The following TMEM117 variants were observed in gnomAD, a reference collection of about 807,000 sequenced individuals.
The protein encoded by TMEM117 is transmembrane protein 117.
TMEM117 carries 27 observed loss-of-function variants against 52.4 expected under a neutral mutation model. That is an observed-to-expected ratio of 0.51 (90% confidence interval 0.38 to 0.71). The LOEUF is 0.71. TMEM117 is among the 30% of genes least tolerant of loss of function. TMEM117 has a pLI of 0.00. For synonymous variants in TMEM117, 215 were observed against 206.3 expected (o/e 1.04, Z -0.36); for missense variants, 556 against 630.5 (o/e 0.88, Z 1.26).
At chr12:44,082,495 C>G (rs1482579128) in intron 3 of TMEM117, among the ~76,000 whole-genome samples, 1 of 151,840 alleles carries the variant, frequency 6.6e-6, no homozygotes, top group Non-Finnish European at 1.5e-5. Flanking sequence ...AGTAAATATC[C>G]TTACTTTTTC....
intron 3 of TMEM117, among the ~76,000 whole-genome samples, chr12:44,047,133 G>GTA (rs138223424): frequency 0.04 from 6,111 of 151,766 alleles, 196 homozygotes; most frequent in African/African-American, 0.089. Context: ...GTGTGTGTGT[G>GTA]TATATATATA....
chr12:44,103,969 T>C (rs1947908723), intron 3 of TMEM117, among the ~76,000 whole-genome samples: 1 of 151,980 alleles, frequency 6.6e-6, no homozygotes, highest in Non-Finnish European at 1.5e-5. Context: ...CGCAGTTTCA[T>C]TGTGAATCAA....
intron 5 of TMEM117, among the ~76,000 whole-genome samples, chr12:44,214,197 AGT>A (rs1220766709): frequency 6.4e-5 from 8 of 124,976 alleles, no homozygotes; most frequent in Non-Finnish European, 1.6e-5. Context: ...CCCAGGCTGG[AGT>A]GCGTGGCACA....
intron 3 of TMEM117, among the ~76,000 whole-genome samples, chr12:44,013,184 A>G (rs1380952214): frequency 6.6e-6 from 1 of 151,656 alleles, no homozygotes; most frequent in Non-Finnish European, 1.5e-5. Context: ...TCACACCACC[A>G]CACCCTAGCT....
chr12:44,039,565 T>G (rs1379951682), intron 3 of TMEM117, among the ~76,000 whole-genome samples: 1 of 151,938 alleles, frequency 6.6e-6, no homozygotes, highest in African/African-American at 2.4e-5. Context: ...ATAGATAAAT[T>G]TGTGATAAAG....
chr12:44,151,179 T>TC (rs1277916637), intron 4 of TMEM117, among the ~76,000 whole-genome samples: 4 of 152,058 alleles, frequency 2.6e-5, no homozygotes, highest in African/African-American at 9.7e-5. Flanking sequence ...CAGGGGATGC[T>TC]CATTTTTCAT....
intron 6 of TMEM117, among the ~76,000 whole-genome samples, chr12:44,364,804 A>G (rs553762068): frequency 6.6e-6 from 1 of 152,246 alleles, no homozygotes; most frequent in East Asian, 1.9e-4. Flanking sequence ...TACGTAACAT[A>G]AAAGTTTTAC....
intron 2 of TMEM117, among the ~76,000 whole-genome samples, chr12:43,855,952 TA>T (rs894184464): frequency 1.1e-4 from 17 of 152,186 alleles, no homozygotes; most frequent in African/African-American, 1.2e-4. Flanking sequence ...CATTTAGGAA[TA>T]AAAAACTATT....
chr12:44,094,596 C>A (rs1207421544), intron 3 of TMEM117, among the ~76,000 whole-genome samples: 1 of 152,096 alleles, frequency 6.6e-6, no homozygotes, highest in East Asian at 1.9e-4. Context: ...GAGCATAAAT[C>A]AATCGACACA....
At chr12:44,143,849 GTCGA>G (rs919027662) in intron 4 of TMEM117, among the ~76,000 whole-genome samples, 1 of 152,120 alleles carries the variant, frequency 6.6e-6, no homozygotes, top group African/African-American at 2.4e-5. Context: ...ACCAGAATCT[GTCGA>G]TCGATCTATC....
At chr12:44,093,914 C>A (rs1158032524) in intron 3 of TMEM117, among the ~76,000 whole-genome samples, 1 of 151,836 alleles carries the variant, frequency 6.6e-6, no homozygotes, top group Non-Finnish European at 1.5e-5. Context: ...TTTAGTATTG[C>A]TGTGGTTTAT....
the TMEM117 span, chr12:43,802,243 T>C: frequency 7.5e-7 from 1 of 1,340,002 alleles, no homozygotes; most frequent in Non-Finnish European, 1.0e-6. Context: ...AAAAACATTT[T>C]TCTAGCATTT....
In TMEM117 at chr12:44,184,516, AG is replaced by A. The variant is rs149552868; in HGVS notation, c.511-26771del. 4.9e-3 allele frequency among the ~76,000 whole-genome samples: 744 copies of A among 152,190 alleles called. 17 individuals carry two copies. The East Asian group carries it at 0.067, about 14-fold the overall frequency. On this transcript the variant is annotated intron_variant, in intron 4 of 7. Coordinates refer to ENST00000266534, the MANE Select transcript of TMEM117 (RefSeq NM_032256.3). The stretch of plus-strand genomic sequence containing the variant: ...AGCCCAGGGAGATTCAAAGCATGAA[AG>A]GGAGTTGGCTCATCATGACGTGCCT...
At chr12:43,864,637 T>G (rs1407049068) in intron 2 of TMEM117, among the ~76,000 whole-genome samples, 1 of 152,118 alleles carries the variant, frequency 6.6e-6, no homozygotes, top group East Asian at 1.9e-4. Flanking sequence ...CTTTTGTGTC[T>G]AGCTCAGGGA....
At chr12:44,009,981 A>C in intron 3 of TMEM117, 1 of 295,404 alleles carries the variant, frequency 3.4e-6, no homozygotes, top group Non-Finnish European at 6.9e-6. Context: ...ATCGTATCAG[A>C]AGGTCTGGAA....
chr12:44,030,343 A>G (rs980115896), intron 3 of TMEM117, among the ~76,000 whole-genome samples: 1 of 152,218 alleles, frequency 6.6e-6, no homozygotes, highest in Non-Finnish European at 1.5e-5. Flanking sequence ...GCCTGGGGAC[A>G]TGTGGAGTTA....
At chr12:44,108,263 G>C (rs1203556200) in intron 3 of TMEM117, among the ~76,000 whole-genome samples, 1 of 148,370 alleles carries the variant, frequency 6.7e-6, no homozygotes, top group African/African-American at 2.5e-5. Context: ...GTGCAGGTTA[G>C]TTACATATGT....
At chr12:43,806,171 C>T in the TMEM117 span, 1 of 1,537,226 alleles carries the variant, frequency 6.5e-7, no homozygotes, top group South Asian at 1.2e-5. Flanking sequence ...CCCGGCTCTC[C>T]CGGCTCTCCC....
chr12:44,349,711 A>G (rs982746344), intron 6 of TMEM117, among the ~76,000 whole-genome samples: 2 of 152,038 alleles, frequency 1.3e-5, no homozygotes, highest in Non-Finnish European at 2.9e-5. Context: ...CCAGTTTAGG[A>G]AAGTGCAGCT....
Sources: allele counts gnomAD v4.1 joint callset (sites outside exome capture counted in the v4.1 genomes callset), GRCh38; gene constraint gnomAD v4.1.1; transcripts MANE v1.5; gene names NCBI Gene and HGNC (gene_info 2026-07-23, HGNC 2026-07-21).